The following FGGY variants were observed in gnomAD, a reference collection of about 807,000 sequenced individuals.
FGGY encodes the protein FGGY carbohydrate kinase domain containing.
Under a neutral mutation model 71.3 loss-of-function variants are expected in FGGY, and 72 were observed. That is an observed-to-expected ratio of 1.01 (90% CI 0.84 to 1.23). FGGY has a LOEUF of 1.23. Ranked by LOEUF, FGGY falls within the 50% of genes most tolerant of loss-of-function variation. The pLI is 0.00. For synonymous variants in FGGY, 251 were observed against 250.3 expected, an observed-to-expected ratio of 1.00 and a Z score of -0.02; for missense variants, 668 against 682.3, an observed-to-expected ratio of 0.98 and a Z score of 0.23.
At chr1:59,394,961 C>T (rs940292180) in intron 5 of FGGY, among the ~76,000 whole-genome samples, 6 of 151,904 alleles carry the variant, frequency 3.9e-5, no homozygotes, top group Non-Finnish European at 7.4e-5. Flanking sequence ...GTTTCCTCCC[C>T]GCAGAGTATC....
At position 59,723,566 on chromosome 1, in the gene FGGY, G is replaced by T. The variant is rs1034869676; in HGVS notation, c.1513-34365G>T. On this transcript the variant is annotated intron_variant, in intron 14 of 15. Coordinates refer to ENST00000303721, the MANE Select transcript of FGGY (RefSeq NM_018291.5). ...TTGGCATTTTCTTGTTTTTTTTTGG[G>T]GGGGGGTGGTTGGGGGTTTTTTTAT... is the stretch of plus-strand genomic sequence containing the variant. 9.4e-5 allele frequency among the ~76,000 whole-genome samples: 14 copies of T among 149,652 alleles called. 1 individual carries two copies. The highest frequency in any genetic ancestry group is 1.3e-4 in the Admixed American group (2 of 15,088).
At chr1:59,496,785 G>A (rs1293100928) in intron 6 of FGGY, among the ~76,000 whole-genome samples, 1 of 152,156 alleles carries the variant, frequency 6.6e-6, no homozygotes, top group Admixed American at 6.5e-5. Flanking sequence ...GGATTCATAT[G>A]TGATATTTCC....
At chr1:59,691,502 A>G (rs903866107) in intron 14 of FGGY, among the ~76,000 whole-genome samples, 1 of 151,850 alleles carries the variant, frequency 6.6e-6, no homozygotes, top group Non-Finnish European at 1.5e-5. Context: ...CTATCCAGCC[A>G]CTCTTGGAGA....
At chr1:59,391,252 C>T (rs1398895722) in intron 5 of FGGY, among the ~76,000 whole-genome samples, 2 of 152,058 alleles carry the variant, frequency 1.3e-5, no homozygotes, top group Non-Finnish European at 2.9e-5. Context: ...GGTAGGTGCC[C>T]AGGAGATTTC....
chr1:59,537,102 T>C (rs529847198), intron 7 of FGGY, among the ~76,000 whole-genome samples: 59 of 150,728 alleles, frequency 3.9e-4, no homozygotes, highest in Admixed American at 6.0e-4. Context: ...AAAACCCCAT[T>C]GTCTCAGCCC....
chr1:59,368,947 C>T (rs1051305791), intron 4 of FGGY, among the ~76,000 whole-genome samples: 2 of 152,008 alleles, frequency 1.3e-5, no homozygotes, highest in Non-Finnish European at 2.9e-5. Context: ...GATGGCTGAA[C>T]AGGAACAGCT....
chr1:59,739,406 A>G (rs1455069921), intron 14 of FGGY, among the ~76,000 whole-genome samples: 1 of 152,122 alleles, frequency 6.6e-6, no homozygotes, highest in African/African-American at 2.4e-5. Flanking sequence ...ATATGTAAAA[A>G]CGTTCATTCA....
intron 6 of FGGY, among the ~76,000 whole-genome samples, chr1:59,491,037 T>C (rs1439087136): frequency 0.028 from 5 of 178 alleles, 1 homozygote; most frequent in African/African-American, 0.1. Context: ...TCCTTTCCTT[T>C]CCTTCCTTCC....
intron 8 of FGGY, among the ~76,000 whole-genome samples, chr1:59,572,655 G>A (rs2096006933): frequency 6.6e-6 from 1 of 152,188 alleles, no homozygotes; most frequent in Non-Finnish European, 1.5e-5. Context: ...TCAGATTATG[G>A]TGGGGGAGAT....
chr1:59,687,632 ATT>A (rs555098197), intron 14 of FGGY, among the ~76,000 whole-genome samples: 2,533 of 133,708 alleles, frequency 0.019, 83 homozygotes, highest in African/African-American at 0.065. Flanking sequence ...ACACCTGGCT[ATT>A]TTTTTTTTTT....
At chr1:59,428,588 C>T (rs1475394119) in intron 5 of FGGY, among the ~76,000 whole-genome samples, 14 of 152,174 alleles carry the variant, frequency 9.2e-5, no homozygotes, top group Admixed American at 6.5e-4. Context: ...GAAAGGTGCA[C>T]GTGACCTTGG....
chr1:59,369,634 C>A (rs2057230963), intron 4 of FGGY, among the ~76,000 whole-genome samples: 1 of 152,288 alleles, frequency 6.6e-6, no homozygotes, highest in Non-Finnish European at 1.5e-5. Context: ...GACCCCTGAC[C>A]CCCGAGCAGC....
At chr1:59,413,005 A>G (rs1191282330) in intron 5 of FGGY, among the ~76,000 whole-genome samples, 2 of 152,202 alleles carry the variant, frequency 1.3e-5, no homozygotes, top group Non-Finnish European at 2.9e-5. Flanking sequence ...CTTTCCTATG[A>G]TTCTTCAGAT....
intron 6 of FGGY, among the ~76,000 whole-genome samples, chr1:59,472,029 G>A (rs1429841387): frequency 1.3e-5 from 2 of 152,246 alleles, no homozygotes; most frequent in Admixed American, 6.5e-5. Context: ...CCACTTTGGC[G>A]GCACTTGAGC....
intron 8 of FGGY, among the ~76,000 whole-genome samples, chr1:59,562,043 C>T (rs2095800476): frequency 6.6e-6 from 1 of 152,114 alleles, no homozygotes; most frequent in Non-Finnish European, 1.5e-5. Flanking sequence ...TCTCACACAC[C>T]ACTGGTGGGA....
intron 4 of FGGY, among the ~76,000 whole-genome samples, chr1:59,374,657 A>G (rs2153297518): frequency 6.6e-6 from 1 of 152,226 alleles, no homozygotes; most frequent in East Asian, 1.9e-4. Context: ...ACCAACCCAA[A>G]TGTCCAACAA....
chr1:59,438,692 T>G (rs769629354), intron 5 of FGGY, among the ~76,000 whole-genome samples: 2 of 152,228 alleles, frequency 1.3e-5, no homozygotes. Context: ...AACTTCTGAG[T>G]ATTAGGAATT....
chr1:59,718,929 G>A (rs2097864240), intron 14 of FGGY, among the ~76,000 whole-genome samples: 1 of 152,092 alleles, frequency 6.6e-6, no homozygotes, highest in Non-Finnish European at 1.5e-5. Flanking sequence ...CCTATAACTG[G>A]CACCCAGGAC....
chr1:59,632,971 C>T (rs115724929), intron 10 of FGGY, among the ~76,000 whole-genome samples: 1 of 150,810 alleles, frequency 6.6e-6, no homozygotes, highest in Non-Finnish European at 1.5e-5. Context: ...AGATTTCTTA[C>T]AGAAATTAGC....
Sources: allele counts gnomAD v4.1 joint callset (sites outside exome capture counted in the v4.1 genomes callset), GRCh38; gene constraint gnomAD v4.1.1; transcripts MANE v1.5; gene names NCBI Gene and HGNC (gene_info 2026-07-23, HGNC 2026-07-21).